Variants in LRP8 observed in about 807,000 individuals in gnomAD.
The protein encoded by LRP8 is low-density lipoprotein receptor-related protein 8.
LRP8 carries 46 observed loss-of-function variants against 111.6 expected under a neutral mutation model. That is an observed-to-expected ratio of 0.41 (90% CI 0.33 to 0.53). The LOEUF is 0.53. Among genes scored for constraint, LRP8 ranks in the 20% least tolerant of loss-of-function variants. LRP8 has a pLI of 0.20. For missense variants in LRP8, 959 were observed against 1,297.4 expected, an observed-to-expected ratio of 0.74 and a Z score of 4.01; for synonymous variants, 464 against 511.2, an observed-to-expected ratio of 0.91 and a Z score of 1.24.
At chr1:53,259,597 A>G (rs780275227) in intron 13 of LRP8, among the ~76,000 whole-genome samples, 8 of 149,966 alleles carry the variant, frequency 5.3e-5, no homozygotes, top group Middle Eastern at 3.4e-3. Flanking sequence ...TTTTTTTTTT[A>G]AGAGGTAGGG....
At chr1:53,281,887 A>G (rs1237833767) in intron 3 of LRP8, among the ~76,000 whole-genome samples, 1 of 152,220 alleles carries the variant, frequency 6.6e-6, no homozygotes, top group Non-Finnish European at 1.5e-5. Flanking sequence ...TTGCTTATTC[A>G]CTGAGTATTT....
In LRP8 at chr1:53,250,586, A is replaced by G; in HGVS notation, c.2676+104T>C. On this transcript the variant is annotated intron_variant, in intron 17 of 18. Transcript: ENST00000306052. The surrounding 1 kb of genome is among the most constrained non-coding windows in gnomAD (Gnocchi z 4.6). Reference sequence around the variant, plus strand: ...AGGGAGGGAAGGACGGAAGGAAGGAAGGGAGGGAAGAAAGGATGGGAAGGA... The same window carrying G: ...AGGGAGGGAAGGACGGAAGGAAGGAGGGGAGGGAAGAAAGGATGGGAAGGA... 1.0e-6 allele frequency: 1 copy of G among 959,144 alleles called. No homozygotes were observed. Among genetic ancestry groups the G allele is most frequent in the Non-Finnish European group, 1.6e-6 (1 of 627,380 alleles). 59.4% of individuals were successfully genotyped at this position (959,144 alleles called of 1,614,324 possible). A position where few individuals can be genotyped will look rare whatever the true frequency, so the allele number is the denominator to read the frequency against.
At chr1:53,327,645 G>T in intron 1 of LRP8, 144 bp downstream of exon 1, 3 of 1,261,894 alleles carry the variant, frequency 2.4e-6, no homozygotes, top group South Asian at 2.0e-5. Flanking sequence ...GCAAATTCAG[G>T]AATAGCCGCT....
At chr1:53,265,985 C>T (rs895717167) in intron 9 of LRP8, among the ~76,000 whole-genome samples, 3 of 152,194 alleles carry the variant, frequency 2.0e-5, no homozygotes, top group Admixed American at 6.5e-5. Flanking sequence ...TGATGCCATC[C>T]AGGAAGGCAT....
rs539006469 is a variant in LRP8 at position 53,316,838 on chromosome 1, G to A, written c.244+10035C>T. Among the ~76,000 whole-genome samples the A allele has an allele frequency of 3.9e-5, 6 of 152,330 alleles. No homozygotes were observed. The East Asian group carries it at 1.2e-3, about 29-fold the overall frequency. ...GGGACCAGAGCACACATGGCCTGGG[G>A]AGGAGAGGCTGCTGTGGCAGGGGGC... On this transcript the variant is annotated intron_variant, in intron 2 of 18. Transcript: ENST00000306052.
At chr1:53,326,798 C>G in intron 2 of LRP8, 75 bp downstream of exon 2, 1 of 1,534,808 alleles carries the variant, frequency 6.5e-7, no homozygotes, top group Non-Finnish European at 8.8e-7. Flanking sequence ...GCTGCAGCCA[C>G]GTGCGCGCCA....
intron 2 of LRP8, among the ~76,000 whole-genome samples, chr1:53,309,461 T>C (rs143713373): frequency 3.3e-5 from 5 of 152,088 alleles, no homozygotes; most frequent in African/African-American, 4.8e-5. Context: ...ACCAAGACAC[T>C]GAGAGGGGAG....
At position 53,275,039 on chromosome 1, in the gene LRP8, C is replaced by T. The variant is rs1396013808; in HGVS notation, c.1006+592G>A. Among the ~76,000 whole-genome samples, 2 of 152,174 alleles carry T rather than the reference C, an allele frequency of 1.3e-5. No homozygotes were observed. The highest frequency in any genetic ancestry group is 2.1e-4 in the South Asian group (1 of 4,832). On this transcript the variant is annotated intron_variant, in intron 6 of 18. Transcript: ENST00000306052. This position sits in a 1 kb window ranked among gnomAD's most constrained non-coding sequence, Gnocchi z 4.4. ...GGAGGCTAAGCCTCATGTAGCTGGGCAGGGCTGTGGGGATCTGCGTCTCAT... is the reference window on the plus strand; with the variant it reads ...GGAGGCTAAGCCTCATGTAGCTGGGTAGGGCTGTGGGGATCTGCGTCTCAT...
In LRP8 at chr1:53,261,497, G is replaced by A. The variant is rs182498005; in HGVS notation, c.1914+571C>T. Among the ~76,000 whole-genome samples, 123 of 152,316 alleles carry A rather than the reference G, an allele frequency of 8.1e-4. 1 individual carries two copies. Among genetic ancestry groups the A allele is most frequent in the Non-Finnish European group, 1.4e-3 (95 of 68,018 alleles). On this transcript the variant is annotated intron_variant, in intron 12 of 18. Coordinates refer to ENST00000306052, the MANE Select transcript of LRP8 (RefSeq NM_004631.5). ...TTAGTTTTCGGGAAGAGGTGAAGGT[G>A]TGAGACCTTGGTTGGTTCTGGCTTC...
In LRP8 at chr1:53,249,045, A is replaced by G. The variant is rs547893373; in HGVS notation, c.2853+335T>C. 1.6e-4 allele frequency among the ~76,000 whole-genome samples: 25 copies of G among 152,264 alleles called. 1 individual carries two copies. In the South Asian group the frequency reaches 5.2e-3, roughly 32 times the overall value. On this transcript the variant is annotated intron_variant, in intron 18 of 18. Transcript: ENST00000306052. The surrounding 1 kb of genome is among the most constrained non-coding windows in gnomAD (Gnocchi z 4.1). Reference sequence around the variant, plus strand: ...ACTGTGCTCCCTCTGATCTTCAAAAACTGGTCAAGCAACTATTTTTTTGGA... The same window carrying G: ...ACTGTGCTCCCTCTGATCTTCAAAAGCTGGTCAAGCAACTATTTTTTTGGA...
chr1:53,321,960 C>T (rs180960652), intron 2 of LRP8, among the ~76,000 whole-genome samples: 241 of 152,308 alleles, frequency 1.6e-3, no homozygotes, highest in African/African-American at 5.1e-3. Flanking sequence ...GTCACCTCTA[C>T]GGTGGCTGGG....
chr1:53,264,832 G>A (rs1646491764), intron 9 of LRP8, among the ~76,000 whole-genome samples: 1 of 152,166 alleles, frequency 6.6e-6, no homozygotes, highest in South Asian at 2.1e-4. Flanking sequence ...CCAGAGGTGA[G>A]TCTGCTCTGG....
rs1284034361 is a variant in LRP8 at position 53,255,063 on chromosome 1, C to T, written c.2503+54G>A. The stretch of plus-strand genomic sequence containing the variant: ...TTCTCTACCCTGCTAGCGCTCTTCC[C>T]TAGGCCTAAGCAGGGTCTCTCTTTT... On this transcript the variant is annotated intron_variant, in intron 16 of 18. Coordinates refer to ENST00000306052, the MANE Select transcript of LRP8 (RefSeq NM_004631.5). 3 of 1,584,186 alleles carry T rather than the reference C, an allele frequency of 1.9e-6. No homozygotes were observed. The African/African-American group carries it at 4.0e-5, about 21-fold the overall frequency.
intron 4 of LRP8, among the ~76,000 whole-genome samples, chr1:53,277,664 C>G (rs1164610004): frequency 6.6e-6 from 1 of 152,206 alleles, no homozygotes; most frequent in African/African-American, 2.4e-5. Context: ...CTGCTGGGAA[C>G]CTACTTCTTG....
At chr1:53,273,974 A>AAACAAAT (rs1646839030) in intron 6 of LRP8, among the ~76,000 whole-genome samples, 1 of 151,540 alleles carries the variant, frequency 6.6e-6, no homozygotes, top group Non-Finnish European at 1.5e-5. Flanking sequence ...TAAAAACAAA[A>AAACAAAT]AACAAAAAAA....
intron 2 of LRP8, among the ~76,000 whole-genome samples, chr1:53,304,017 G>T (rs1651482970): frequency 6.6e-6 from 1 of 152,166 alleles, no homozygotes; most frequent in Admixed American, 6.5e-5. Flanking sequence ...GCCATGAAAT[G>T]ACTTTACCCA....
chr1:53,326,619 C>T (rs1000018656), intron 2 of LRP8, among the ~76,000 whole-genome samples: 2 of 152,212 alleles, frequency 1.3e-5, no homozygotes, highest in Non-Finnish European at 2.9e-5. Flanking sequence ...GGTGCGCCTT[C>T]CTCCTCCGGC....
chr1:53,271,146 A>G lies in LRP8; in HGVS notation c.1134T>C (p.Asp378=), dbSNP rs1323755354. 1 of 1,613,840 alleles carries G rather than the reference A, an allele frequency of 6.2e-7. No homozygotes were observed. The highest frequency in any genetic ancestry group is 8.5e-7 in the Non-Finnish European group (1 of 1,179,966). The change falls in exon 8 of 19, where the codon GAT becomes GAC. Residue 378 remains aspartate (D), a synonymous_variant. Coordinates refer to ENST00000306052, the MANE Select transcript of LRP8 (RefSeq NM_004631.5). ...TGCAGGCATCTGGGTCCTTGCACTCATCAATGTCTGTGGGGAGGAGCAGGA... is the reference window on the plus strand; with the variant it reads ...TGCAGGCATCTGGGTCCTTGCACTCGTCAATGTCTGTGGGGAGGAGCAGGA... The part of the protein sequence containing the change: ...LLDQKTCGDI[D]ECKDPDACSQ...
chr1:53,284,683 C>T (rs1287287918), intron 3 of LRP8, among the ~76,000 whole-genome samples: 1 of 152,214 alleles, frequency 6.6e-6, no homozygotes, highest in Non-Finnish European at 1.5e-5. Flanking sequence ...AACAATCTGT[C>T]TGCTTCCTTT....
Sources: allele counts gnomAD v4.1 joint callset (sites outside exome capture counted in the v4.1 genomes callset), GRCh38; gene constraint gnomAD v4.1.1; non-coding constraint Gnocchi (gnomAD v3.1); transcripts MANE v1.5; gene names NCBI Gene and HGNC (gene_info 2026-07-23, HGNC 2026-07-21).